Variants in RPS8 observed in about 807,000 individuals in gnomAD.
RPS8 encodes the protein ribosomal protein S8, also known as small ribosomal subunit protein eS8.
For synonymous variants in RPS8, 100 were observed against 100.7 expected, an observed-to-expected ratio of 0.99 and a Z score of 0.04; for missense variants, 141 against 269.7, an observed-to-expected ratio of 0.52 and a Z score of 3.34.
intron 3 of RPS8, chr1:44,777,094 A>G (rs1650883951): frequency 4.0e-6 from 1 of 246,918 alleles, no homozygotes; most frequent in African/African-American, 2.3e-5. Context: ...TCTTTTTTTG[A>G]GATTGGGTCT....
intron 3 of RPS8, 54 bp downstream of exon 3, chr1:44,776,828 A>T (rs1422719050): frequency 7.2e-7 from 1 of 1,394,880 alleles, no homozygotes; most frequent in African/African-American, 1.5e-5. Flanking sequence ...CGGTCTTAAG[A>T]TTCACCAAGT....
At chr1:44,776,213 G>C in intron 2 of RPS8, 73 bp downstream of exon 2, 1 of 1,093,490 alleles carries the variant, frequency 9.1e-7, no homozygotes, top group Non-Finnish European at 1.3e-6. Context: ...GGGTCTTTCC[G>C]TGTGACAGTT....
intron 3 of RPS8, chr1:44,777,300 G>T: frequency 3.5e-6 from 1 of 286,970 alleles, no homozygotes; most frequent in Non-Finnish European, 6.6e-6. Context: ...CAAATTCTTG[G>T]CTTTAAGTGA....
At chr1:44,776,451 A>G (rs536864546) in intron 2 of RPS8, 1 of 758,106 alleles carries the variant, frequency 1.3e-6, no homozygotes, top group East Asian at 2.4e-5. Flanking sequence ...ACAGAGGCTT[A>G]ATTTTCAGCA....
At chr1:44,778,371 G>A (rs1298547040) in intron 5 of RPS8, 1 of 795,034 alleles carries the variant, frequency 1.3e-6, no homozygotes, top group East Asian at 2.4e-5. Context: ...GGAAGTCTCT[G>A]CCCAGGCTGA....
chr1:44,775,915 G>A (rs41269073), intron 1 of RPS8, 119 bp from the exon 2 acceptor site: 39,315 of 982,370 alleles, frequency 0.04, 950 homozygotes, highest in Non-Finnish European at 0.049. Flanking sequence ...GCGCGGTGGG[G>A]AAGCCAACCT....
Position 44,777,977 on chromosome 1 carries a change from A to AT in RPS8, c.388-22dup, listed in dbSNP as rs771906351. ...GGGCCTGCCTTCCTTCCCTGAGCTC[A>AT]TATATTTGTATCCCCTTTTCAGACT... On this transcript the variant is annotated intron_variant, in intron 4 of 5. Coordinates refer to ENST00000396651, the MANE Select transcript of RPS8 (RefSeq NM_001012.2). 5 of 1,613,342 alleles carry AT rather than the reference A, an allele frequency of 3.1e-6. No homozygotes were observed. The African/African-American group carries it at 6.7e-5, about 22-fold the overall frequency.
chr1:44,778,264 AG>A, intron 5 of RPS8, 135 bp downstream of exon 5: 1 of 1,147,808 alleles, frequency 8.7e-7, no homozygotes, highest in Non-Finnish European at 1.3e-6. Flanking sequence ...GCGAGCACAA[AG>A]GGGAACGTTT....
chr1:44,776,831 C>A (rs1650871896), intron 3 of RPS8, 57 bp downstream of exon 3: 3 of 1,359,486 alleles, frequency 2.2e-6, no homozygotes, highest in Admixed American at 2.2e-5. Flanking sequence ...TCTTAAGATT[C>A]ACCAAGTGGG....
In RPS8 at chr1:44,775,571, T is replaced by C. The variant is rs749858952; in HGVS notation, c.-26T>C. 36 of 1,613,908 alleles carry C rather than the reference T, an allele frequency of 2.2e-5. No individual in the cohort carries two copies. The highest frequency in any genetic ancestry group is 2.2e-4 in the Admixed American group (13 of 59,992). ...CAAACCGAACCGTGAATCTTTGCGGTTTCTCTTTCCAGCCAGCGCCGAGCG... is the reference window on the plus strand; with the variant it reads ...CAAACCGAACCGTGAATCTTTGCGGCTTCTCTTTCCAGCCAGCGCCGAGCG... On this transcript the variant is annotated 5_prime_UTR_variant, in exon 1 of 6. Coordinates refer to ENST00000396651, the MANE Select transcript of RPS8 (RefSeq NM_001012.2).
intron 1 of RPS8, 178 bp downstream of exon 1, chr1:44,775,778 T>TGGGCTCC (rs1247606398): frequency 1.1e-6 from 1 of 924,492 alleles, no homozygotes; most frequent in Non-Finnish European, 1.7e-6. Flanking sequence ...GCGAAGGCTC[T>TGGGCTCC]GGGCTCCGGG....
At chr1:44,776,798 G>A (rs1265675519) in intron 3 of RPS8, 24 bp downstream of exon 3, 3 of 1,552,672 alleles carry the variant, frequency 1.9e-6, no homozygotes, top group African/African-American at 2.8e-5. Context: ...TTTGGGAGTG[G>A]GTGGGAAAAC....
At chr1:44,775,976 C>A in intron 1 of RPS8, 58 bp from the exon 2 acceptor site, 2 of 1,530,404 alleles carry the variant, frequency 1.3e-6, no homozygotes, top group Non-Finnish European at 1.8e-6. Flanking sequence ...CGGGAGCTGG[C>A]GAGTCGCTAG....
intron 2 of RPS8, chr1:44,776,403 C>T (rs915622921): frequency 1.6e-5 from 12 of 728,654 alleles, no homozygotes; most frequent in Non-Finnish European, 2.5e-5. Flanking sequence ...GAGGGTGGCG[C>T]CTCGCGTCAT....
chr1:44,777,410 G>A, intron 3 of RPS8: 1 of 577,644 alleles, frequency 1.7e-6, no homozygotes, highest in Non-Finnish European at 3.2e-6. Flanking sequence ...GAGAGATTGG[G>A]GCTGGTAAAG....
At chr1:44,776,876 C>T in intron 3 of RPS8, 102 bp downstream of exon 3, 2 of 797,654 alleles carry the variant, frequency 2.5e-6, no homozygotes, top group Non-Finnish European at 3.9e-6. Context: ...AAGCCCAGCA[C>T]GTTGGGAGGC....
At chr1:44,775,710 A>T (rs1185595484) in intron 1 of RPS8, 110 bp downstream of exon 1, 18 of 1,433,142 alleles carry the variant, frequency 1.3e-5, no homozygotes, top group Non-Finnish European at 1.8e-5. Flanking sequence ...CCGGCCAGGG[A>T]CAGCCACGAG....
At chr1:44,776,572 G>T in intron 2 of RPS8, 103 bp from the exon 3 acceptor site, 1 of 962,740 alleles carries the variant, frequency 1.0e-6, no homozygotes, top group Non-Finnish European at 1.7e-6. Flanking sequence ...GCAAGGACTT[G>T]TCATAGTTAC....
chr1:44,778,465 G>T (rs1416457157), intron 5 of RPS8, 111 bp from the exon 6 acceptor site: 3 of 886,898 alleles, frequency 3.4e-6, no homozygotes, highest in Non-Finnish European at 5.8e-6. Flanking sequence ...GAGACAGCTG[G>T]CTTCATGCTT....
Sources: allele counts gnomAD v4.1 joint callset, GRCh38; gene constraint gnomAD v4.1.1; transcripts MANE v1.5; gene names NCBI Gene and HGNC (gene_info 2026-07-23, HGNC 2026-07-21).